Variants in FOXN1 observed in about 807,000 individuals in gnomAD.
FOXN1 encodes the protein forkhead box N1.
FOXN1 carries 15 observed loss-of-function variants against 49.0 expected under a neutral mutation model. That is an observed-to-expected ratio of 0.31 (90% CI 0.20 to 0.47). The LOEUF (loss-of-function observed/expected upper bound fraction) is 0.47. Among genes scored for constraint, FOXN1 ranks in the 20% least tolerant of loss-of-function variants. The probability of loss-of-function intolerance (pLI) is 1.00; values close to 1 mark genes in which losing one functional copy is unlikely to be tolerated. For missense variants in FOXN1, 800 were observed against 842.8 expected, an observed-to-expected ratio of 0.95 and a Z score of 0.63; for synonymous variants, 356 against 369.0, an observed-to-expected ratio of 0.96 and a Z score of 0.40.
At chr17:28,507,137 G>T (rs983753308) in intron 1 of FOXN1, among the ~76,000 whole-genome samples, 1 of 152,188 alleles carries the variant, frequency 6.6e-6, no homozygotes, top group Non-Finnish European at 1.5e-5. Context: ...GAGCAGAGCT[G>T]GGCCAGGCAG....
chr17:28,516,419 T>C (rs576022225), intron 1 of FOXN1, among the ~76,000 whole-genome samples: 265 of 97,644 alleles, frequency 2.7e-3, no homozygotes, highest in Middle Eastern at 0.023. Flanking sequence ...ACGGGGTACA[T>C]GCCTCCACAG....
intron 4 of FOXN1, 120 bp from the exon 5 acceptor site, chr17:28,528,974 G>A (rs2069840231): frequency 1.5e-6 from 2 of 1,330,124 alleles, no homozygotes; most frequent in Non-Finnish European, 2.2e-6. Flanking sequence ...TGGGGCCCAT[G>A]ACCCAGGAGG....
At chr17:28,514,955 G>T (rs2151477556) in intron 1 of FOXN1, among the ~76,000 whole-genome samples, 1 of 152,264 alleles carries the variant, frequency 6.6e-6, no homozygotes, top group Admixed American at 6.5e-5. Flanking sequence ...TAGCGTAATG[G>T]TTCAGCATGC....
intron 1 of FOXN1, among the ~76,000 whole-genome samples, chr17:28,507,555 C>T (rs572293972): frequency 2.6e-4 from 40 of 152,200 alleles, no homozygotes; most frequent in Non-Finnish European, 4.6e-4. Flanking sequence ...CCTAGTTTTC[C>T]TAATCCCTGA....
Position 28,527,299 on chromosome 17 carries a change from A to G in FOXN1, c.637A>G (p.Met213Val). 6.2e-7 allele frequency: 1 copy of G among 1,614,022 alleles called. No homozygotes were observed. The highest frequency in any genetic ancestry group is 8.5e-7 in the Non-Finnish European group (1 of 1,179,946). ...CCCAGTTCTGGAGAGTGGTGCTGGGATGTTCTGCTACCAGCCTCCCTTGCA... is the reference window on the plus strand; with the variant it reads ...CCCAGTTCTGGAGAGTGGTGCTGGGGTGTTCTGCTACCAGCCTCCCTTGCA... ...KPPVLESGAG[M>V]FCYQPPLQHM... Residue 213 changes from methionine to valine, a missense_variant, in exon 4 of 9, where the codon ATG becomes GTG. This residue lies in a region of FOXN1 where 383 missense variants were observed against 357.9 expected (regional missense o/e 1.07). Transcript: ENST00000579795.
At position 28,535,093 on chromosome 17, in the gene FOXN1, G is replaced by C; in HGVS notation, c.1522G>C (p.Glu508Gln). ...PPSHSAKLLA[E>Q]PSPARTMHDT... ...CAGCCACAGTGCCAAGCTACTGGCC[G>C]AGCCTTCCCCAGCCAGGACTATGCA... Residue 508 changes from glutamate (E) to glutamine (Q), a missense_variant, in exon 8 of 9, where the codon GAG becomes CAG. Around this residue, in one of 3 missense-constraint regions of FOXN1, gnomAD observed 344 missense variants for 366.1 expected, o/e 0.94. Coordinates refer to ENST00000579795, the MANE Select transcript of FOXN1 (RefSeq NM_001369369.1). 1 of 1,607,304 alleles carries C rather than the reference G, an allele frequency of 6.2e-7. No individual in the cohort carries two copies. Among genetic ancestry groups the C allele is most frequent in the Non-Finnish European group, 8.5e-7 (1 of 1,175,392 alleles).
intron 1 of FOXN1, among the ~76,000 whole-genome samples, chr17:28,517,723 T>C (rs375587445): frequency 8.8e-3 from 233 of 26,616 alleles, no homozygotes; most frequent in African/African-American, 0.011. Context: ...CAGACCTCCA[T>C]AGGGTACACA....
At position 28,529,180 on chromosome 17, in the gene FOXN1, C is replaced by T. The variant is rs779732404; in HGVS notation, c.786C>T (p.Thr262=). ...AGCGAATGGCACCCCAGGCCAGCAC[C>T]GATGGGCACCAGCCTCTCTTCCCAA... The part of the protein sequence containing the change: ...QYQRMAPQAS[T]DGHQPLFPKP... Residue 262 remains threonine, a synonymous_variant, in exon 5 of 9, where the codon ACC becomes ACT. Transcript: ENST00000579795. The T allele has an allele frequency of 4.0e-5, 64 of 1,614,040 alleles. No individual in the cohort carries two copies. The highest frequency in any genetic ancestry group is 1.8e-4 in the South Asian group (16 of 91,088).
At chr17:28,523,315 G>T (rs557706263) in intron 1 of FOXN1, among the ~76,000 whole-genome samples, 1 of 152,334 alleles carries the variant, frequency 6.6e-6, no homozygotes, top group East Asian at 1.9e-4. Flanking sequence ...GTCAGGGCCC[G>T]CTGGGCTCAC....
At position 28,534,093 on chromosome 17, in the gene FOXN1, G is replaced by A. The variant is rs1207265556; in HGVS notation, c.928-238G>A. Among the ~76,000 whole-genome samples, 5 of 152,150 alleles carry A rather than the reference G, an allele frequency of 3.3e-5. No individual in the cohort carries two copies. Among genetic ancestry groups the A allele is most frequent in the African/African-American group, 4.8e-5 (2 of 41,414 alleles). On this transcript the variant is annotated intron_variant, in intron 6 of 8. Transcript: ENST00000579795. This position sits in a 1 kb window ranked among gnomAD's most constrained non-coding sequence, Gnocchi z 4.1. ...CCTCTGAGGGGTCAGGAAGGGATGC[G>A]GGTGGGATGAAGGCAGATTTGAGAT...
At chr17:28,535,348 G>A (rs1168074497) in intron 8 of FOXN1, 150 bp downstream of exon 8, 10 of 796,302 alleles carry the variant, frequency 1.3e-5, no homozygotes, top group South Asian at 1.0e-4. Context: ...CTGGCAGGGG[G>A]AGCTTCCCAC....
chr17:28,514,273 G>T (rs1379891737), intron 1 of FOXN1, among the ~76,000 whole-genome samples: 3 of 152,076 alleles, frequency 2.0e-5, no homozygotes, highest in Admixed American at 1.3e-4. Flanking sequence ...TCACCTGGGG[G>T]ACATGGTGGC....
intron 6 of FOXN1, among the ~76,000 whole-genome samples, chr17:28,533,046 A>T (rs890280395): frequency 3.9e-5 from 6 of 152,172 alleles, no homozygotes; most frequent in African/African-American, 1.2e-4. Context: ...AACCTGCCCC[A>T]GGCCAGCTGC....
In FOXN1 at chr17:28,534,599, A is replaced by G; in HGVS notation, c.1135+61A>G. On this transcript the variant is annotated intron_variant, in intron 7 of 8. Coordinates refer to ENST00000579795, the MANE Select transcript of FOXN1 (RefSeq NM_001369369.1). This position sits in a 1 kb window ranked among gnomAD's most constrained non-coding sequence, Gnocchi z 4.1. ...GGTACTCATGAGCCAAAAAAAAAAA[A>G]AAGAGAGAATCAGAGAATGAGGCAA... 1.3e-6 allele frequency: 2 copies of G among 1,590,900 alleles called. No individual in the cohort carries two copies. The highest frequency in any genetic ancestry group is 1.1e-5 in the South Asian group (1 of 87,632).
chr17:28,530,798 G>A lies in FOXN1; in HGVS notation c.880G>A (p.Val294Ile), dbSNP rs1406320425. The A allele has an allele frequency of 1.9e-6, 3 of 1,601,660 alleles. No individual in the cohort carries two copies. The highest frequency in any genetic ancestry group is 2.6e-6 in the Non-Finnish European group (3 of 1,173,132). ...GAACAGTAAAACTGGGAGCCTTCCC[G>A]TCAGCGAGATCTACAATTTTATGAC... ...LKNSKTGSLP[V>I]SEIYNFMTEH... Residue 294 changes from valine to isoleucine, a missense_variant, in exon 6 of 9, where the codon GTC (valine) becomes ATC (isoleucine). Physicochemically the swap from Val to Ile is conservative, Grantham distance 29. Around this residue, in one of 3 missense-constraint regions of FOXN1, gnomAD observed 73 missense variants for 118.9 expected, o/e 0.61. Coordinates refer to ENST00000579795, the MANE Select transcript of FOXN1 (RefSeq NM_001369369.1).
At chr17:28,516,305 C>T (rs28568999) in intron 1 of FOXN1, among the ~76,000 whole-genome samples, 27,780 of 150,766 alleles carry the variant, frequency 0.18, 2,328 homozygotes, top group Middle Eastern at 0.23. Flanking sequence ...GTACACACTG[C>T]CACAGGATCC....
At chr17:28,530,614 C>T in intron 5 of FOXN1, 135 bp from the exon 6 acceptor site, 1 of 698,992 alleles carries the variant, frequency 1.4e-6, no homozygotes, top group South Asian at 1.5e-5. Context: ...TCCGTGCTCA[C>T]TTCAATGGAC....
chr17:28,532,684 G>A (rs988556056), intron 6 of FOXN1, among the ~76,000 whole-genome samples: 4 of 152,222 alleles, frequency 2.6e-5, no homozygotes, highest in Non-Finnish European at 4.4e-5. Context: ...CTGGACCCTG[G>A]AGTGGCCAGC....
chr17:28,525,517 C>T lies in FOXN1; in HGVS notation c.588+550C>T, dbSNP rs117262629. Among the ~76,000 whole-genome samples the T allele has an allele frequency of 7.6e-3, 1,163 of 152,282 alleles. 7 individuals carry two copies. Among genetic ancestry groups the T allele is most frequent in the Non-Finnish European group, 0.014 (919 of 68,032 alleles). On this transcript the variant is annotated intron_variant, in intron 3 of 8. Transcript: ENST00000579795. ...TCCATAGCCTGACCTCCATAAGCGG[C>T]GTGACCCTGGACAAGTCTTAACGTC... is the stretch of plus-strand genomic sequence containing the variant.
Sources: gnomAD v4.1 joint callset for allele counts (sites outside exome capture counted in the v4.1 genomes callset) on GRCh38, gnomAD v4.1.1 for gene constraint, gnomAD v4.1.1 regional missense constraint, Gnocchi (gnomAD v3.1) non-coding constraint, MANE v1.5 for transcripts, NCBI Gene and HGNC (gene_info 2026-07-23, HGNC 2026-07-21) for gene names.